GABRA2: variants seen among roughly 807,000 people sequenced by gnomAD.
The protein encoded by GABRA2 is gamma-aminobutyric acid receptor subunit alpha-2.
Under a neutral mutation model 48.7 loss-of-function variants are expected in GABRA2, and 16 were observed. That is an observed-to-expected ratio of 0.33 (90% CI 0.22 to 0.50). The LOEUF (loss-of-function observed/expected upper bound fraction) is 0.50. Among genes scored for constraint, GABRA2 ranks in the 20% least tolerant of loss-of-function variants. GABRA2 has a pLI of 0.98. For missense variants in GABRA2, 275 were observed against 535.6 expected, an observed-to-expected ratio of 0.51 and a Z score of 4.80; for synonymous variants, 185 against 184.5, an observed-to-expected ratio of 1.00 and a Z score of -0.02.
At chr4:46,284,832 TA>T (rs1302713565) in intron 8 of GABRA2, among the ~76,000 whole-genome samples, 3 of 151,946 alleles carry the variant, frequency 2.0e-5, no homozygotes, top group African/African-American at 4.8e-5. Flanking sequence ...TAAAGAGTAG[TA>T]TTTTTTTTAT....
intron 4 of GABRA2, among the ~76,000 whole-genome samples, chr4:46,320,530 A>C (rs1447951875): frequency 6.6e-6 from 1 of 151,970 alleles, no homozygotes; most frequent in Admixed American, 6.6e-5. Flanking sequence ...CTTGCAGATT[A>C]TATATTTGAT....
intron 8 of GABRA2, among the ~76,000 whole-genome samples, chr4:46,274,426 T>C (rs957295802): frequency 1.3e-5 from 2 of 152,092 alleles, no homozygotes; most frequent in African/African-American, 4.8e-5. Context: ...ATTTTACTGG[T>C]GAAGTTGCTA....
intron 3 of GABRA2, among the ~76,000 whole-genome samples, chr4:46,371,794 G>A (rs902216172): frequency 1.3e-5 from 2 of 152,046 alleles, no homozygotes; most frequent in African/African-American, 4.8e-5. Context: ...CCACCATTTA[G>A]AAATAAAAAT....
chr4:46,255,390 C>A lies in GABRA2; in HGVS notation c.1060-4786G>T, dbSNP rs116517577. Reference sequence around the variant, plus strand: ...TCTATTATGTAAGTCTCCTGAATGTCTTCAATTTCACCATCTACAGATGTG... The same window carrying A: ...TCTATTATGTAAGTCTCCTGAATGTATTCAATTTCACCATCTACAGATGTG... On this transcript the variant is annotated intron_variant, in intron 9 of 9. Coordinates refer to ENST00000381620, the MANE Select transcript of GABRA2 (RefSeq NM_000807.4). Among the ~76,000 whole-genome samples the A allele has an allele frequency of 4.5e-3, 681 of 151,614 alleles. 7 individuals carry two copies. Among genetic ancestry groups the A allele is most frequent in the African/African-American group, 0.015 (625 of 41,444 alleles).
chr4:46,249,045 T>TGTGTGTGTGTGTGC lies in GABRA2; in HGVS notation c.*1262_*1263insGCACACACACACAC, dbSNP rs1714228034. ...TAATTTAGCTGTGTATGTGTGTGTG[T>TGTGTGTGTGTGTGC]GTGTGTGTGTGTGTGTATGTTTGTG... On this transcript the variant is annotated 3_prime_UTR_variant, in exon 10 of 10. Coordinates refer to ENST00000381620, the MANE Select transcript of GABRA2 (RefSeq NM_000807.4). 8 of 151,208 alleles carry TGTGTGTGTGTGTGC rather than the reference T, an allele frequency of 5.3e-5. No homozygotes were observed. The South Asian group carries it at 1.7e-3, about 32-fold the overall frequency. The allele number at this position is 151,208 out of a possible 1,614,324, so 9.4% of individuals were successfully genotyped here. A position where few individuals can be genotyped will look rare whatever the true frequency, so the allele number is the denominator to read the frequency against.
intron 9 of GABRA2, among the ~76,000 whole-genome samples, chr4:46,252,615 T>G (rs1715010661): frequency 6.6e-6 from 1 of 151,510 alleles, no homozygotes; most frequent in African/African-American, 2.4e-5. Flanking sequence ...CCATATGATT[T>G]TTGGTCTGAG....
At position 46,312,564 on chromosome 4, in the gene GABRA2, A is replaced by T; in HGVS notation, c.408T>A (p.Ala136=). Residue 136 remains alanine, a synonymous_variant, in exon 5 of 10, where the codon GCT becomes GCA. Transcript: ENST00000381620. ...ACTTATTTGGCATTGTCATATTATGAGCTACTGATTTTTTCCCATTGTGAA... is the reference window on the plus strand; with the variant it reads ...ACTTATTTGGCATTGTCATATTATGTGCTACTGATTTTTTCCCATTGTGAA... The part of the protein sequence containing the change: ...TFFHNGKKSV[A]HNMTMPNKLL... 1 of 1,603,498 alleles carries T rather than the reference A, an allele frequency of 6.2e-7. No homozygotes were observed. Among genetic ancestry groups the T allele is most frequent in the Non-Finnish European group, 8.5e-7 (1 of 1,176,566 alleles).
Position 46,250,106 on chromosome 4 carries a change from T to G in GABRA2, c.*202A>C. 1 of 500,896 alleles carries G rather than the reference T, an allele frequency of 2.0e-6. No homozygotes were observed. Among genetic ancestry groups the G allele is most frequent in the Non-Finnish European group, 3.5e-6 (1 of 283,532 alleles). The allele number at this position is 500,896 out of a possible 1,614,324, so 31.0% of individuals were successfully genotyped here. A position where few individuals can be genotyped will look rare whatever the true frequency, so the allele number is the denominator to read the frequency against. Reference sequence around the variant, plus strand: ...AAATCTTTAAAAAAGGCAATGGCTGTTTTCGCATGGAGTGCTTTCTGTCTG... The same window carrying G: ...AAATCTTTAAAAAAGGCAATGGCTGGTTTCGCATGGAGTGCTTTCTGTCTG... On this transcript the variant is annotated 3_prime_UTR_variant, in exon 10 of 10. Transcript: ENST00000381620.
chr4:46,313,862 G>A (rs568650366), intron 4 of GABRA2, among the ~76,000 whole-genome samples: 49 of 151,990 alleles, frequency 3.2e-4, no homozygotes, highest in Non-Finnish European at 5.9e-4. Context: ...CTAAATTAAT[G>A]TTTGCAAAAA....
At chr4:46,301,596 C>T (rs1577969590) in intron 8 of GABRA2, among the ~76,000 whole-genome samples, 1 of 152,258 alleles carries the variant, frequency 6.6e-6, no homozygotes, top group Non-Finnish European at 1.5e-5. Context: ...TTCTTTTGAG[C>T]TAGGATTCTT....
At chr4:46,261,521 A>C (rs1283368770) in intron 9 of GABRA2, 2 of 244,118 alleles carry the variant, frequency 8.2e-6, no homozygotes, top group Non-Finnish European at 1.6e-5. Flanking sequence ...CTTAACAGTC[A>C]GACAGGTAGA....
chr4:46,369,116 TATACTC>T (rs1176766585), intron 3 of GABRA2: 2 of 632,522 alleles, frequency 3.2e-6, no homozygotes, highest in Non-Finnish European at 5.8e-6. Context: ...GCTAGGTTAA[TATACTC>T]AAACGTTTCC....
chr4:46,301,562 C>T (rs182225131), intron 8 of GABRA2, among the ~76,000 whole-genome samples: 2 of 152,262 alleles, frequency 1.3e-5, no homozygotes, highest in East Asian at 1.9e-4. Flanking sequence ...TGTCTTTCAT[C>T]CCTTAATGTC....
chr4:46,339,839 A>C (rs1408447135), intron 3 of GABRA2, among the ~76,000 whole-genome samples: 2 of 151,748 alleles, frequency 1.3e-5, no homozygotes, highest in South Asian at 4.1e-4. Context: ...TCATGTAGTC[A>C]AGGACTTCTG....
intron 3 of GABRA2, among the ~76,000 whole-genome samples, chr4:46,358,529 T>G (rs1736365705): frequency 6.6e-6 from 1 of 152,200 alleles, no homozygotes; most frequent in South Asian, 2.1e-4. Context: ...AATAAATATA[T>G]TTATGAAGTT....
At chr4:46,326,414 C>G (rs928788803) in intron 4 of GABRA2, among the ~76,000 whole-genome samples, 4 of 151,882 alleles carry the variant, frequency 2.6e-5, no homozygotes, top group Non-Finnish European at 5.9e-5. Flanking sequence ...TCTACAGAAT[C>G]CCATTTTGGC....
chr4:46,277,697 G>A (rs964224295), intron 8 of GABRA2, among the ~76,000 whole-genome samples: 5 of 151,998 alleles, frequency 3.3e-5, no homozygotes, highest in Admixed American at 2.6e-4. Flanking sequence ...CCTTATCCAT[G>A]GGCTGCAAAT....
At chr4:46,257,456 G>C (rs1219950985) in intron 9 of GABRA2, among the ~76,000 whole-genome samples, 1 of 151,340 alleles carries the variant, frequency 6.6e-6, no homozygotes, top group Middle Eastern at 3.2e-3. Context: ...CCTCAATCCT[G>C]GATTTCACTA....
At chr4:46,348,852 C>T (rs1388684334) in intron 3 of GABRA2, among the ~76,000 whole-genome samples, 1 of 151,308 alleles carries the variant, frequency 6.6e-6, no homozygotes, top group African/African-American at 2.4e-5. Flanking sequence ...GTGCGGCACA[C>T]CAACATGGCA....
Sources: allele counts gnomAD v4.1 joint callset (sites outside exome capture counted in the v4.1 genomes callset), GRCh38; gene constraint gnomAD v4.1.1; transcripts MANE v1.5; gene names NCBI Gene and HGNC (gene_info 2026-07-23, HGNC 2026-07-21).